MARCO: variants seen among roughly 807,000 people sequenced by gnomAD.
The protein encoded by MARCO is macrophage receptor with collagenous structure.
In MARCO, 72 loss-of-function variants were observed where a neutral mutation model predicts 70.0. The ratio of observed to expected loss-of-function variants is 1.03; its 90% CI spans 0.85 to 1.25. MARCO has a LOEUF of 1.25. MARCO is among the 50% of genes most tolerant of loss of function. MARCO has a pLI of 0.00. For missense variants in MARCO, 696 were observed against 659.3 expected, an observed-to-expected ratio of 1.06 and a Z score of -0.61; for synonymous variants, 273 against 243.1, an observed-to-expected ratio of 1.12 and a Z score of -1.14.
intron 1 of MARCO, 132 bp from the exon 2 acceptor site, chr2:118,969,028 G>A (rs1323061434): frequency 1.5e-6 from 1 of 677,578 alleles, no homozygotes. Context: ...TGGGAGTCAT[G>A]AGCTTTTGGT....
chr2:118,981,546 A>G (rs1680391204), intron 9 of MARCO, 39 bp downstream of exon 9: 1 of 1,460,294 alleles, frequency 6.8e-7, no homozygotes. Context: ...ACCTCTAGGT[A>G]TTTCCTTTTT....
chr2:118,992,177 C>G, intron 14 of MARCO, among the ~76,000 whole-genome samples: 1 of 152,082 alleles, frequency 6.6e-6, no homozygotes, highest in East Asian at 1.9e-4. Context: ...CCATCCCACT[C>G]CATATCTCTG....
chr2:118,977,685 C>T (rs1243378018), intron 7 of MARCO, 143 bp from the exon 8 acceptor site: 1 of 824,044 alleles, frequency 1.2e-6, no homozygotes, highest in East Asian at 2.7e-5. Context: ...CAAGACCACC[C>T]AAGAAATGAG....
intron 1 of MARCO, among the ~76,000 whole-genome samples, chr2:118,964,150 A>T (rs548060703): frequency 6.6e-6 from 1 of 152,208 alleles, no homozygotes; most frequent in African/African-American, 2.4e-5. Context: ...ACTTTCATTT[A>T]TGTTCTTTAG....
chr2:118,981,494 G>T lies in MARCO; in HGVS notation c.852G>T (p.Arg284Ser). ...GAQGSKGDFG[R>S]PGPPGLAGFP... is the part of the protein sequence containing the mutation. ...AGGGGAGTAAAGGTGACTTCGGGAG[G>T]CCAGGCCCACCAGGTAAGAGGGCAC... Residue 284 changes from arginine to serine, a missense_variant, in exon 9 of 17, where the codon AGG (arginine) becomes AGT (serine). This residue lies in a region of MARCO where 605 missense variants were observed against 537.6 expected (regional missense o/e 1.13). Coordinates refer to ENST00000327097, the MANE Select transcript of MARCO (RefSeq NM_006770.4). 6.2e-7 allele frequency: 1 copy of T among 1,601,724 alleles called. No individual in the cohort carries two copies. The highest frequency in any genetic ancestry group is 1.1e-5 in the South Asian group (1 of 88,494).
chr2:118,959,742 A>C (rs1198648530), intron 1 of MARCO, among the ~76,000 whole-genome samples: 2 of 151,792 alleles, frequency 1.3e-5, no homozygotes, highest in African/African-American at 2.4e-5. Flanking sequence ...CAACAAGTGG[A>C]TAAAGAAACT....
At chr2:118,951,839 TTATC>T (rs984152150) in intron 1 of MARCO, among the ~76,000 whole-genome samples, 5 of 152,124 alleles carry the variant, frequency 3.3e-5, no homozygotes, top group African/African-American at 9.6e-5. Context: ...TACTACCTCT[TTATC>T]TCTCTGTCTC....
intron 1 of MARCO, among the ~76,000 whole-genome samples, chr2:118,959,031 A>T (rs1249603304): frequency 1.3e-5 from 2 of 152,218 alleles, no homozygotes; most frequent in Non-Finnish European, 2.9e-5. Flanking sequence ...AACTGTAAAC[A>T]TTATAGAAGA....
At position 118,942,346 on chromosome 2, in the gene MARCO, A is replaced by G; in HGVS notation, c.46A>G (p.Thr16Ala). The G allele has an allele frequency of 6.2e-7, 1 of 1,613,886 alleles. No homozygotes were observed. The highest frequency in any genetic ancestry group is 1.3e-5 in the African/African-American group (1 of 75,036). Residue 16 changes from threonine (T) to alanine (A), a missense_variant, in exon 1 of 17, where the codon ACC becomes GCC. Physicochemically the swap from Thr to Ala is moderately conservative, Grantham distance 58. This residue lies in a region of MARCO where 605 missense variants were observed against 537.6 expected (regional missense o/e 1.13). Coordinates refer to ENST00000327097, the MANE Select transcript of MARCO (RefSeq NM_006770.4). ...ILKEDELLSE[T>A]QQAAFHQIAM... ...CAAGGAGGACGAGCTCTTGAGTGAG[A>G]CCCAACAAGCTGCTTTTCACCAAAT...
At chr2:118,981,557 T>A in intron 9 of MARCO, 50 bp downstream of exon 9, 2 of 1,598,476 alleles carry the variant, frequency 1.3e-6, no homozygotes, top group Non-Finnish European at 1.7e-6. Context: ...TTTCCTTTTT[T>A]TTTTTTTTCT....
intron 1 of MARCO, among the ~76,000 whole-genome samples, chr2:118,953,634 C>T (rs1013254731): frequency 2.6e-5 from 4 of 152,118 alleles, no homozygotes; most frequent in African/African-American, 9.7e-5. Context: ...ATTTTAGCTC[C>T]ATATCAACTG....
intron 1 of MARCO, 94 bp from the exon 2 acceptor site, chr2:118,969,065 GC>G (rs2104575793): frequency 3.6e-6 from 3 of 822,100 alleles, no homozygotes; most frequent in East Asian, 2.4e-5. Context: ...CTCACAGGGT[GC>G]CCCCTGCTCA....
chr2:118,963,961 T>A (rs1044028517), intron 1 of MARCO, among the ~76,000 whole-genome samples: 5 of 152,208 alleles, frequency 3.3e-5, no homozygotes, highest in Non-Finnish European at 7.4e-5. Flanking sequence ...CTGTGGATTA[T>A]TTGAATAATT....
intron 4 of MARCO, 129 bp downstream of exon 4, chr2:118,971,663 C>G (rs1680174669): frequency 9.1e-6 from 8 of 878,118 alleles, no homozygotes; most frequent in Non-Finnish European, 1.3e-5. Context: ...CCACAGCCTC[C>G]TTTGTCTTCA....
rs1209689384 is a variant in MARCO, at chr2:118,977,892, G to T, written c.723G>T (p.Gly241=). Residue 241 remains glycine, a synonymous_variant, in exon 8 of 17, where the codon GGG becomes GGT. Coordinates refer to ENST00000327097, the MANE Select transcript of MARCO (RefSeq NM_006770.4). ...KGDGGLIGPK[G]ETGTKGEKGD... is the part of the protein sequence containing the mutation. Reference sequence around the variant, plus strand: ...ATGGGGGTCTCATTGGCCCAAAAGGGGAAACTGGAACTAAGGGAGAGAAAG... The same window carrying T: ...ATGGGGGTCTCATTGGCCCAAAAGGTGAAACTGGAACTAAGGGAGAGAAAG... The T allele has an allele frequency of 1.9e-6, 3 of 1,612,342 alleles. No homozygotes were observed. Among genetic ancestry groups the T allele is most frequent in the East Asian group, 2.2e-5 (1 of 44,796 alleles).
At chr2:118,965,202 C>T (rs1179557477) in intron 1 of MARCO, among the ~76,000 whole-genome samples, 1 of 152,110 alleles carries the variant, frequency 6.6e-6, no homozygotes, top group East Asian at 1.9e-4. Context: ...TTGTTACTGG[C>T]CCACAGGTCT....
chr2:118,951,273 G>A (rs549426143), intron 1 of MARCO, among the ~76,000 whole-genome samples: 1 of 152,304 alleles, frequency 6.6e-6, no homozygotes, highest in Non-Finnish European at 1.5e-5. Context: ...CCTAGGTCTG[G>A]TGGGACCTTT....
intron 1 of MARCO, among the ~76,000 whole-genome samples, chr2:118,957,795 TCCACCATGG>T (rs1679866675): frequency 6.6e-6 from 1 of 151,982 alleles, no homozygotes. Flanking sequence ...ATAAAGATAA[TCCACCATGG>T]ATCAAGTGGG....
intron 12 of MARCO, among the ~76,000 whole-genome samples, chr2:118,983,636 C>G (rs1680434315): frequency 1.3e-5 from 2 of 152,144 alleles, no homozygotes; most frequent in South Asian, 4.1e-4. Context: ...TCAGATGTTC[C>G]TGACTTGTTC....
Sources: gnomAD v4.1 joint callset for allele counts (sites outside exome capture counted in the v4.1 genomes callset) on GRCh38, gnomAD v4.1.1 for gene constraint, gnomAD v4.1.1 regional missense constraint, MANE v1.5 for transcripts, NCBI Gene and HGNC (gene_info 2026-07-23, HGNC 2026-07-21) for gene names.